The following LRRC4C variants were observed in gnomAD, a reference collection of about 807,000 sequenced individuals.
LRRC4C encodes leucine-rich repeat-containing protein 4C.
In LRRC4C, 5 loss-of-function variants were observed where a neutral mutation model predicts 33.6. The observed-to-expected ratio is 0.15, with a 90% CI of 0.08 to 0.31. The LOEUF (loss-of-function observed/expected upper bound fraction) is 0.31. LRRC4C is among the 10% of genes least tolerant of loss of function. The pLI is 1.00. For missense variants in LRRC4C, 560 were observed against 796.7 expected, an observed-to-expected ratio of 0.70 and a Z score of 3.58; for synonymous variants, 329 against 302.0, an observed-to-expected ratio of 1.09 and a Z score of -0.93.
intron 3 of LRRC4C, among the ~76,000 whole-genome samples, chr11:40,632,812 G>C (rs540331192): frequency 6.6e-6 from 1 of 152,258 alleles, no homozygotes; most frequent in South Asian, 2.1e-4. Context: ...GTGGGCAGTG[G>C]CTCTGGAGGG....
At chr11:40,712,764 T>C (rs1003121897) in intron 2 of LRRC4C, among the ~76,000 whole-genome samples, 4 of 152,156 alleles carry the variant, frequency 2.6e-5, no homozygotes, top group African/African-American at 9.6e-5. Flanking sequence ...TAGAATAATA[T>C]ATATTGTAAT....
intron 1 of LRRC4C, among the ~76,000 whole-genome samples, chr11:41,440,560 G>C (rs901212074): frequency 2.0e-5 from 3 of 151,936 alleles, no homozygotes; most frequent in Non-Finnish European, 4.4e-5. Context: ...TTAAAAAAAA[G>C]TATAGTCTAA....
In LRRC4C at chr11:40,331,861, T is replaced by G. The variant is rs139530018; in HGVS notation, c.-269-12140A>C. 2.7e-3 allele frequency among the ~76,000 whole-genome samples: 410 copies of G among 152,330 alleles called. 3 individuals carry two copies. The highest frequency in any genetic ancestry group is 9.5e-3 in the African/African-American group (394 of 41,572). On this transcript the variant is annotated intron_variant, in intron 3 of 6. Transcript: ENST00000528697. ...TATCCAGCTTGCAGGCAGCATATTG[T>G]GGTACTTCATAGTTTCCATAATTAC...
At chr11:40,883,569 A>T (rs1358284390) in intron 2 of LRRC4C, among the ~76,000 whole-genome samples, 1 of 152,096 alleles carries the variant, frequency 6.6e-6, no homozygotes, top group East Asian at 1.9e-4. Context: ...ATAAACTCTC[A>T]CCAATGAATG....
At chr11:40,341,755 T>G (rs530758509) in intron 3 of LRRC4C, among the ~76,000 whole-genome samples, 1 of 152,324 alleles carries the variant, frequency 6.6e-6, no homozygotes, top group South Asian at 2.1e-4. Context: ...GAAAAAAAGA[T>G]AGTCATCACA....
chr11:40,171,774 C>T (rs1860066679), intron 5 of LRRC4C, among the ~76,000 whole-genome samples: 1 of 152,052 alleles, frequency 6.6e-6, no homozygotes, highest in African/African-American at 2.4e-5. Context: ...ATAATTTAGC[C>T]AAGGTTACCA....
At chr11:40,822,049 C>T (rs555713178) in intron 2 of LRRC4C, among the ~76,000 whole-genome samples, 20 of 151,524 alleles carry the variant, frequency 1.3e-4, no homozygotes, top group Non-Finnish European at 2.5e-4. Flanking sequence ...TTTTGGCATG[C>T]GCAATAAATT....
At chr11:40,919,511 C>G (rs957531317) in intron 2 of LRRC4C, among the ~76,000 whole-genome samples, 1 of 152,116 alleles carries the variant, frequency 6.6e-6, no homozygotes, top group Non-Finnish European at 1.5e-5. Flanking sequence ...AAACTGGTCT[C>G]TCAGCTATTC....
intron 6 of LRRC4C, among the ~76,000 whole-genome samples, chr11:40,137,734 C>T (rs1369320130): frequency 1.3e-5 from 2 of 152,162 alleles, no homozygotes; most frequent in African/African-American, 4.8e-5. Flanking sequence ...TTAAAGATCT[C>T]TCCTTTTTCC....
chr11:40,220,597 T>A (rs1864331780), intron 5 of LRRC4C, among the ~76,000 whole-genome samples: 1 of 152,150 alleles, frequency 6.6e-6, no homozygotes, highest in African/African-American at 2.4e-5. Context: ...AAGATCCATC[T>A]TGTTGGCAAA....
intron 1 of LRRC4C, among the ~76,000 whole-genome samples, chr11:41,162,669 G>A (rs769928718): frequency 6.6e-6 from 1 of 152,042 alleles, no homozygotes; most frequent in African/African-American, 2.4e-5. Flanking sequence ...AATCATAAAA[G>A]GTACAGTAAA....
At chr11:40,637,197 C>T (rs1322662600) in intron 3 of LRRC4C, among the ~76,000 whole-genome samples, 1 of 152,164 alleles carries the variant, frequency 6.6e-6, no homozygotes, top group Non-Finnish European at 1.5e-5. Context: ...CTCTCTTGGG[C>T]AACTCTACCA....
At chr11:41,268,256 G>C (rs1949214135) in intron 1 of LRRC4C, among the ~76,000 whole-genome samples, 1 of 152,014 alleles carries the variant, frequency 6.6e-6, no homozygotes, top group African/African-American at 2.4e-5. Flanking sequence ...TGTATGGATG[G>C]GATCACTGCT....
At chr11:40,727,827 T>A (rs1243251663) in intron 2 of LRRC4C, among the ~76,000 whole-genome samples, 1 of 151,954 alleles carries the variant, frequency 6.6e-6, no homozygotes, top group Non-Finnish European at 1.5e-5. Context: ...GGTGGGCGGA[T>A]CACCTGAGTT....
At chr11:40,991,184 C>T (rs1367600902) in intron 1 of LRRC4C, among the ~76,000 whole-genome samples, 1 of 128,922 alleles carries the variant, frequency 7.8e-6, no homozygotes, top group Non-Finnish European at 1.6e-5. Flanking sequence ...CCACAGTGAA[C>T]CTGGCAGCTT....
chr11:40,313,335 A>T (rs1430012364), intron 4 of LRRC4C, among the ~76,000 whole-genome samples: 3 of 152,018 alleles, frequency 2.0e-5, no homozygotes, highest in Non-Finnish European at 4.4e-5. Context: ...TGACAAATTC[A>T]CAGGGCCAGT....
At chr11:40,131,739 A>G (rs1856657755) in intron 6 of LRRC4C, among the ~76,000 whole-genome samples, 2 of 152,152 alleles carry the variant, frequency 1.3e-5, no homozygotes, top group African/African-American at 4.8e-5. Context: ...TACTGTAGGA[A>G]TATTTGTTAT....
At chr11:40,861,348 G>T (rs1253136063) in intron 2 of LRRC4C, among the ~76,000 whole-genome samples, 2 of 152,128 alleles carry the variant, frequency 1.3e-5, no homozygotes, top group East Asian at 3.9e-4. Flanking sequence ...AGAAACATGA[G>T]CCTGGAAGGA....
At chr11:41,178,183 CA>C (rs1945286481) in intron 1 of LRRC4C, among the ~76,000 whole-genome samples, 2 of 152,158 alleles carry the variant, frequency 1.3e-5, no homozygotes, top group African/African-American at 4.8e-5. Context: ...CTGCTTACTC[CA>C]AACTTGCCCT....
Sources: allele counts gnomAD v4.1 joint callset (sites outside exome capture counted in the v4.1 genomes callset), GRCh38; gene constraint gnomAD v4.1.1; transcripts MANE v1.5; gene names NCBI Gene and HGNC (gene_info 2026-07-23, HGNC 2026-07-21).